Variants in TBC1D16 observed in about 807,000 individuals in gnomAD.
The protein encoded by TBC1D16 is TBC1 domain family member 16.
A neutral mutation model predicts 74.7 loss-of-function variants in TBC1D16; 58 were observed. The ratio of observed to expected loss-of-function variants is 0.78; its 90% CI spans 0.63 to 0.97. TBC1D16 has a LOEUF of 0.97. Ranked by LOEUF, TBC1D16 falls within the 50% of genes least tolerant of loss-of-function variation. The probability of loss-of-function intolerance (pLI) is 0.00; values close to 1 mark genes in which losing one functional copy is unlikely to be tolerated. For synonymous variants in TBC1D16, 493 were observed against 474.7 expected (o/e 1.04, Z -0.50); for missense variants, 1,014 against 1,079.5 (o/e 0.94, Z 0.85).
In TBC1D16 at chr17:79,988,406, T is replaced by C. The variant is rs984067194; in HGVS notation, c.779+21754A>G. On this transcript the variant is annotated intron_variant, in intron 3 of 11. Coordinates refer to ENST00000310924, the MANE Select transcript of TBC1D16 (RefSeq NM_019020.4). The surrounding 1 kb of genome is among the most constrained non-coding windows in gnomAD (Gnocchi z 5.7). The stretch of plus-strand genomic sequence containing the variant: ...TGAAACATTTTCCTTTTGTCGACTG[T>C]AGAGAGCTATGAGTCAGGTCCAAGC... Among the ~76,000 whole-genome samples, 1 of 152,240 alleles carries C rather than the reference T, an allele frequency of 6.6e-6. No individual in the cohort carries two copies. The highest frequency in any genetic ancestry group is 1.5e-5 in the Non-Finnish European group (1 of 68,032).
chr17:79,982,136 G>C (rs961319210), intron 3 of TBC1D16, among the ~76,000 whole-genome samples: 1 of 150,018 alleles, frequency 6.7e-6, no homozygotes, highest in East Asian at 2.0e-4. Context: ...GTTTTTCTTT[G>C]TGTGGTTTTT....
At position 79,950,607 on chromosome 17, in the gene TBC1D16, C is replaced by A. The variant is rs778128893; in HGVS notation, c.1090-29G>T. 2 of 1,605,298 alleles carry A rather than the reference C, an allele frequency of 1.2e-6. No homozygotes were observed. The highest frequency in any genetic ancestry group is 1.7e-6 in the Non-Finnish European group (2 of 1,175,970). On this transcript the variant is annotated intron_variant, in intron 5 of 11. Coordinates refer to ENST00000310924, the MANE Select transcript of TBC1D16 (RefSeq NM_019020.4). This position sits in a 1 kb window ranked among gnomAD's most constrained non-coding sequence, Gnocchi z 4.6. ...GACGGGAGGAAAACTGGGCAAAGGT[C>A]AGGATCTCAGCCGCGCGGCTTCAGA...
chr17:80,023,665 C>A (rs151096975), intron 1 of TBC1D16, among the ~76,000 whole-genome samples: 2 of 142,842 alleles, frequency 1.4e-5, no homozygotes, highest in East Asian at 2.0e-4. Flanking sequence ...GGGCCCCCCC[C>A]CACCGGCTCA....
At chr17:80,020,149 G>GAAAC (rs2036235195) in intron 1 of TBC1D16, among the ~76,000 whole-genome samples, 1 of 149,738 alleles carries the variant, frequency 6.7e-6, no homozygotes. Context: ...GCCTCCTAAG[G>GAAAC]AAACAATCCT....
Position 80,010,431 on chromosome 17 carries a change from C to T in TBC1D16, c.508G>A (p.Val170Met), listed in dbSNP as rs1309258283. ...TGCGAGGCTGGCTGGGCACCATCCA[C>T]CCCCAAGCCCTGCGCCAGCTTCTCC... is the stretch of plus-strand genomic sequence containing the variant. The part of the protein sequence containing the change: ...DEEKLAQGLG[V>M]DGAQPASQPA... Residue 170 changes from valine to methionine, a missense_variant, in exon 3 of 12, where the codon GTG becomes ATG. Transcript: ENST00000310924. The surrounding 1 kb of genome is among the most constrained non-coding windows in gnomAD (Gnocchi z 8.8). 6.2e-7 allele frequency: 1 copy of T among 1,609,844 alleles called. No individual in the cohort carries two copies. Among genetic ancestry groups the T allele is most frequent in the East Asian group, 2.2e-5 (1 of 44,718 alleles).
intron 1 of TBC1D16, among the ~76,000 whole-genome samples, chr17:80,032,952 G>T (rs925828457): frequency 7.2e-5 from 11 of 152,174 alleles, no homozygotes; most frequent in Non-Finnish European, 2.9e-5. Context: ...AACCTGATCA[G>T]CTCTGCTCCC....
At position 79,949,573 on chromosome 17, in the gene TBC1D16, C is replaced by T. The variant is rs1038228968; in HGVS notation, c.1406+144G>A. ...ACTGCACTTATCCCACCCTATCACT[C>T]ACGTTCCTGGGAGACCCATTTTTGA... On this transcript the variant is annotated intron_variant, in intron 7 of 11. Transcript: ENST00000310924. The T allele has an allele frequency of 1.2e-5, 13 of 1,047,332 alleles. No individual in the cohort carries two copies. In the Admixed American group the frequency reaches 1.6e-4, roughly 13 times the overall value. The allele number at this position is 1,047,332 out of a possible 1,614,324, so 64.9% of individuals were successfully genotyped here. A position where few individuals can be genotyped will look rare whatever the true frequency, so the allele number is the denominator to read the frequency against.
Position 80,008,590 on chromosome 17 carries a change from C to CCGA in TBC1D16, c.779+1567_779+1569dup, listed in dbSNP as rs2035762899. ...TGGCCTGGCACCACCAGGGGGAGCT[C>CCGA]CGACTGAGTCCGGCCTGCGGGACCC... On this transcript the variant is annotated intron_variant, in intron 3 of 11. Transcript: ENST00000310924. The surrounding 1 kb of genome is among the most constrained non-coding windows in gnomAD (Gnocchi z 4.5). 6.6e-6 allele frequency among the ~76,000 whole-genome samples: 1 copy of CCGA among 152,120 alleles called. No individual in the cohort carries two copies. The highest frequency in any genetic ancestry group is 1.5e-5 in the Non-Finnish European group (1 of 68,014).
rs143772687 is a variant in TBC1D16 at position 80,023,762 on chromosome 17, C to A, written c.-62-10153G>T. 1,397 of 150,002 alleles carry A rather than the reference C, an allele frequency of 9.3e-3. 187 individuals carry two copies. Among genetic ancestry groups the A allele is most frequent in the African/African-American group, 0.034 (1,331 of 39,274 alleles). The allele number at this position is 150,002 out of a possible 1,614,324, so 9.3% of individuals were successfully genotyped here. On this transcript the variant is annotated intron_variant, in intron 1 of 11. Transcript: ENST00000310924. The stretch of plus-strand genomic sequence containing the variant: ...CCCACCACCCCGGCCACAGTCACAG[C>A]GGGTTGTGTCAGGCCGCCCTCATCT...
rs894248503 is a variant in TBC1D16 at position 79,993,875 on chromosome 17, G to A, written c.779+16285C>T. Among the ~76,000 whole-genome samples, 1 of 152,138 alleles carries A rather than the reference G, an allele frequency of 6.6e-6. No individual in the cohort carries two copies. Among genetic ancestry groups the A allele is most frequent in the African/African-American group, 2.4e-5 (1 of 41,430 alleles). Reference sequence around the variant, plus strand: ...GCTCAGCCCCTCGAGAGCACCAGGAGCCCCCAGCCCCCATGCAACCACCGG... The same window carrying A: ...GCTCAGCCCCTCGAGAGCACCAGGAACCCCCAGCCCCCATGCAACCACCGG... On this transcript the variant is annotated intron_variant, in intron 3 of 11. Transcript: ENST00000310924. This position sits in a 1 kb window ranked among gnomAD's most constrained non-coding sequence, Gnocchi z 5.1.
At chr17:80,013,799 G>A (rs2035991603) in intron 1 of TBC1D16, among the ~76,000 whole-genome samples, 190 bp from the exon 2 acceptor site, 1 of 152,158 alleles carries the variant, frequency 6.6e-6, no homozygotes, top group Non-Finnish European at 1.5e-5. Flanking sequence ...GCAGGAGGCT[G>A]AGCAGCGTCC....
Position 79,941,129 on chromosome 17 carries a change from T to C in TBC1D16, c.2056-22A>G. On this transcript the variant is annotated intron_variant, in intron 11 of 11. Coordinates refer to ENST00000310924, the MANE Select transcript of TBC1D16 (RefSeq NM_019020.4). The surrounding 1 kb of genome is among the most constrained non-coding windows in gnomAD (Gnocchi z 4.3). ...TCGCCTGCAGACAGAGGACGGGGGG[T>C]GAGGAGGGGCCGGGGGACAGCCTGG... 1 of 1,533,768 alleles carries C rather than the reference T, an allele frequency of 6.5e-7. No homozygotes were observed. The highest frequency in any genetic ancestry group is 8.8e-7 in the Non-Finnish European group (1 of 1,131,930).
chr17:80,006,535 TGCTTCCTGG>T (rs1192383359), intron 3 of TBC1D16, among the ~76,000 whole-genome samples: 8 of 152,164 alleles, frequency 5.3e-5, no homozygotes, highest in Admixed American at 5.2e-4. Context: ...GCACCACCTC[TGCTTCCTGG>T]GTCTACCATG....
chr17:80,017,088 T>C (rs1743260324), intron 1 of TBC1D16, among the ~76,000 whole-genome samples: 2 of 152,042 alleles, frequency 1.3e-5, no homozygotes, highest in South Asian at 4.2e-4. Flanking sequence ...AGCCCACCCC[T>C]TTTTAGGCTC....
In TBC1D16 at chr17:79,990,948, G is replaced by A. The variant is rs2035034337; in HGVS notation, c.779+19212C>T. On this transcript the variant is annotated intron_variant, in intron 3 of 11. Coordinates refer to ENST00000310924, the MANE Select transcript of TBC1D16 (RefSeq NM_019020.4). This position sits in a 1 kb window ranked among gnomAD's most constrained non-coding sequence, Gnocchi z 4.8. Reference sequence around the variant, plus strand: ...CCCAAGGCTGAACGTTCCGCTGGGTGTGTGTGGAACATGTGTGTGAACACA... The same window carrying A: ...CCCAAGGCTGAACGTTCCGCTGGGTATGTGTGGAACATGTGTGTGAACACA... Among the ~76,000 whole-genome samples, 1 of 152,246 alleles carries A rather than the reference G, an allele frequency of 6.6e-6. No homozygotes were observed.
rs2034551529 is a variant in TBC1D16, at chr17:79,980,865, G to A, written c.780-28047C>T. Among the ~76,000 whole-genome samples the A allele has an allele frequency of 6.6e-6, 1 of 152,214 alleles. No individual in the cohort carries two copies. The highest frequency in any genetic ancestry group is 2.4e-5 in the African/African-American group (1 of 41,458). On this transcript the variant is annotated intron_variant, in intron 3 of 11. Coordinates refer to ENST00000310924, the MANE Select transcript of TBC1D16 (RefSeq NM_019020.4). The surrounding 1 kb of genome is among the most constrained non-coding windows in gnomAD (Gnocchi z 7.0). Reference sequence around the variant, plus strand: ...CGTTACTGTTCCTGCAGGCTGGAAGGGGAGCCTGTGAGTTGAGCCAGAGCT... The same window carrying A: ...CGTTACTGTTCCTGCAGGCTGGAAGAGGAGCCTGTGAGTTGAGCCAGAGCT...
At position 79,994,723 on chromosome 17, in the gene TBC1D16, C is replaced by T. The variant is rs1420684677; in HGVS notation, c.779+15437G>A. On this transcript the variant is annotated intron_variant, in intron 3 of 11. Coordinates refer to ENST00000310924, the MANE Select transcript of TBC1D16 (RefSeq NM_019020.4). The surrounding 1 kb of genome is among the most constrained non-coding windows in gnomAD (Gnocchi z 4.6). ...ACAGGCGTGAGCCATTGCGCCCGGC[C>T]GAGAATGTTTTTTCAAAAAAGCAGG... Among the ~76,000 whole-genome samples the T allele has an allele frequency of 3.3e-5, 5 of 152,128 alleles. No homozygotes were observed. Among genetic ancestry groups the T allele is most frequent in the South Asian group, 4.1e-4 (2 of 4,830 alleles).
chr17:80,013,256 G>A (rs1238315179), intron 2 of TBC1D16, 111 bp downstream of exon 2: 44 of 1,068,232 alleles, frequency 4.1e-5, no homozygotes, highest in Non-Finnish European at 5.5e-5. Flanking sequence ...TACACGTTCT[G>A]GAAGAGGAAC....
At chr17:80,034,533 G>C (rs2036886343) in intron 1 of TBC1D16, among the ~76,000 whole-genome samples, 1 of 152,134 alleles carries the variant, frequency 6.6e-6, no homozygotes, top group Non-Finnish European at 1.5e-5. Context: ...ACTTTCGTTA[G>C]CCATAGTCTC....
Sources: gnomAD v4.1 joint callset for allele counts (sites outside exome capture counted in the v4.1 genomes callset) on GRCh38, gnomAD v4.1.1 for gene constraint, Gnocchi (gnomAD v3.1) non-coding constraint, MANE v1.5 for transcripts, NCBI Gene and HGNC (gene_info 2026-07-23, HGNC 2026-07-21) for gene names.